DYSF: variants seen among roughly 807,000 people sequenced by gnomAD.
DYSF encodes the protein dysferlin, also known as dystrophy-associated fer-1-like 1.
A neutral mutation model predicts 274.9 loss-of-function variants in DYSF; 212 were observed. That is an observed-to-expected ratio of 0.77 (90% CI 0.69 to 0.86). DYSF has a LOEUF of 0.86. Among genes scored for constraint, DYSF ranks in the 40% least tolerant of loss-of-function variants. The pLI is 0.00. For synonymous variants in DYSF, 1,091 were observed against 1,078.7 expected (o/e 1.01, Z -0.22); for missense variants, 2,666 against 2,783.2 (o/e 0.96, Z 0.95).
chr2:71,541,189 T>C (rs2152769861), intron 17 of DYSF, among the ~76,000 whole-genome samples: 1 of 152,308 alleles, frequency 6.6e-6, no homozygotes, highest in East Asian at 1.9e-4. Context: ...TCTGGAACAG[T>C]TTCTATAACA....
At position 71,660,487 on chromosome 2, in the gene DYSF, G is replaced by A; in HGVS notation, c.4912-73G>A. ...GGCTGCTCCCTCATCCCATCCAGAG[G>A]CAAGGCACTCATGAAGCCTCAAAGA... On this transcript the variant is annotated intron_variant, in intron 44 of 55. Transcript: ENST00000410020. The A allele has an allele frequency of 3.0e-6, 4 of 1,314,458 alleles. No individual in the cohort carries two copies. The South Asian group carries it at 4.7e-5, about 16-fold the overall frequency. The allele number at this position is 1,314,458 out of a possible 1,614,324, so 81.4% of individuals were successfully genotyped here.
Position 71,570,582 on chromosome 2 carries a change from G to C in DYSF, c.3086-17G>C. The C allele has an allele frequency of 6.2e-7, 1 of 1,612,100 alleles. No individual in the cohort carries two copies. The highest frequency in any genetic ancestry group is 1.7e-5 in the Admixed American group (1 of 59,754). ...GGGAACTGCCAAGCAATGAGTGACC[G>C]GTTCCCCCTCCCCCAGGCTGGGAGT... is the stretch of plus-strand genomic sequence containing the variant. On this transcript the variant is annotated splice_polypyrimidine_tract_variant and intron_variant, in intron 28 of 55. Coordinates refer to ENST00000410020, the MANE Select transcript of DYSF (RefSeq NM_001130987.2).
At chr2:71,518,772 C>T (rs185146373) in intron 10 of DYSF, among the ~76,000 whole-genome samples, 5 of 151,750 alleles carry the variant, frequency 3.3e-5, no homozygotes, top group African/African-American at 1.2e-4. Context: ...TCAGAAGTTA[C>T]CTTAGAATTA....
chr2:71,652,268 A>G (rs1346973565), intron 42 of DYSF, among the ~76,000 whole-genome samples: 6 of 152,356 alleles, frequency 3.9e-5, no homozygotes, highest in Admixed American at 2.0e-4. Flanking sequence ...ACATTGGTCC[A>G]TATCTTCTAA....
intron 5 of DYSF, 109 bp from the exon 6 acceptor site, chr2:71,513,131 C>T: frequency 2.0e-6 from 2 of 1,014,074 alleles, no homozygotes; most frequent in Non-Finnish European, 3.0e-6. Context: ...TTGCACCAGG[C>T]TGGGGTGGGC....
chr2:71,528,069 C>T (rs1395509589), intron 13 of DYSF, among the ~76,000 whole-genome samples: 4 of 152,160 alleles, frequency 2.6e-5, no homozygotes, highest in African/African-American at 4.8e-5. Context: ...AGGGTGGGGA[C>T]AGTGAACTGA....
intron 48 of DYSF, among the ~76,000 whole-genome samples, chr2:71,667,987 C>T (rs960811624): frequency 1.3e-5 from 2 of 152,042 alleles, no homozygotes; most frequent in African/African-American, 4.8e-5. Context: ...GAGGGGAATC[C>T]TCCCACGCTG....
At chr2:71,527,799 ATAAT>A (rs2088126395) in intron 13 of DYSF, among the ~76,000 whole-genome samples, 1 of 152,198 alleles carries the variant, frequency 6.6e-6, no homozygotes, top group African/African-American at 2.4e-5. Flanking sequence ...ACATATATAA[ATAAT>A]CTGGCTGATT....
At chr2:71,684,428 C>G (rs1163135932) in intron 55 of DYSF, among the ~76,000 whole-genome samples, 1 of 152,198 alleles carries the variant, frequency 6.6e-6, no homozygotes, top group Non-Finnish European at 1.5e-5. Flanking sequence ...CAGTTAGCCA[C>G]AGAGACTCTA....
chr2:71,574,951 G>A (rs948517673), intron 30 of DYSF, among the ~76,000 whole-genome samples: 2 of 152,196 alleles, frequency 1.3e-5, no homozygotes, highest in Admixed American at 6.5e-5. Flanking sequence ...CAGGTGTCTC[G>A]GGGACAGTCT....
chr2:71,587,338 G>A (rs1268456241), intron 30 of DYSF, among the ~76,000 whole-genome samples: 1 of 152,230 alleles, frequency 6.6e-6, no homozygotes, highest in Admixed American at 6.5e-5. Flanking sequence ...GAAACTCCAT[G>A]TACAAACCAC....
chr2:71,570,698 G>A lies in DYSF; in HGVS notation c.3185G>A (p.Arg1062His), dbSNP rs779159879. The change falls in exon 29 of 56, where the codon CGC (arginine) becomes CAC (histidine). Residue 1062 changes from arginine to histidine, a missense_variant. Physicochemically the swap from Arg to His is conservative, Grantham distance 29. Around this residue, in one of 3 missense-constraint regions of DYSF, gnomAD observed 1,460 missense variants for 1,502.1 expected, o/e 0.97. Coordinates refer to ENST00000410020, the MANE Select transcript of DYSF (RefSeq NM_001130987.2). ...YYTHRRRRWVRLRRRDLSQME... is the reference protein window; with the variant it reads ...YYTHRRRRWVHLRRRDLSQME... The stretch of plus-strand genomic sequence containing the variant: ...ACACACCGACGGCGGCGCTGGGTGC[G>A]CCTGCGCAGGAGGGATCTCAGCCAA... 70 of 1,613,918 alleles carry A rather than the reference G, an allele frequency of 4.3e-5. No individual in the cohort carries two copies. The highest frequency in any genetic ancestry group is 1.1e-4 in the East Asian group (5 of 44,892).
chr2:71,496,062 C>A (rs2084359955), intron 3 of DYSF, among the ~76,000 whole-genome samples: 1 of 151,940 alleles, frequency 6.6e-6, no homozygotes, highest in African/African-American at 2.4e-5. Context: ...TAGGGCCCTG[C>A]CTTCAAGGCC....
At chr2:71,576,112 C>T (rs2092689650) in intron 30 of DYSF, among the ~76,000 whole-genome samples, 1 of 152,248 alleles carries the variant, frequency 6.6e-6, no homozygotes, top group Non-Finnish European at 1.5e-5. Flanking sequence ...TGGTGCCCAG[C>T]CAGCCCCTGC....
intron 17 of DYSF, among the ~76,000 whole-genome samples, chr2:71,548,273 T>A (rs990132530): frequency 6.6e-6 from 1 of 152,220 alleles, no homozygotes; most frequent in Admixed American, 6.5e-5. Flanking sequence ...CCACTCTTTC[T>A]GTGTCTTTGT....
chr2:71,586,376 C>G (rs779823053), intron 30 of DYSF, among the ~76,000 whole-genome samples: 25 of 152,088 alleles, frequency 1.6e-4, no homozygotes, highest in Non-Finnish European at 2.9e-4. Context: ...AAGGTCAGCA[C>G]TTGGGTGGCA....
intron 45 of DYSF, 34 bp from the exon 46 acceptor site, chr2:71,664,234 G>C: frequency 1.2e-6 from 2 of 1,613,462 alleles, no homozygotes; most frequent in Non-Finnish European, 1.7e-6. Flanking sequence ...GGTGCCCCGT[G>C]TTGGCTGACA....
chr2:71,549,401 TG>T, intron 17 of DYSF: 1 of 1,611,368 alleles, frequency 6.2e-7, no homozygotes, highest in Non-Finnish European at 8.5e-7. Context: ...TGTACGTTGC[TG>T]TCACCTTGGG....
At chr2:71,592,433 G>T (rs1357205756) in intron 32 of DYSF, among the ~76,000 whole-genome samples, 1 of 152,232 alleles carries the variant, frequency 6.6e-6, no homozygotes, top group Non-Finnish European at 1.5e-5. Context: ...GCAGCTGCTG[G>T]AAAGGAAAAC....
Sources: allele counts gnomAD v4.1 joint callset (sites outside exome capture counted in the v4.1 genomes callset), GRCh38; gene constraint gnomAD v4.1.1; regional missense constraint gnomAD v4.1.1; transcripts MANE v1.5; gene names NCBI Gene and HGNC (gene_info 2026-07-23, HGNC 2026-07-21).